CNTNAP4: variants seen among roughly 807,000 people sequenced by gnomAD.
CNTNAP4 encodes the protein contactin-associated protein-like 4.
CNTNAP4 carries 98 observed loss-of-function variants against 148.4 expected under a neutral mutation model. The ratio of observed to expected loss-of-function variants is 0.66; its 90% CI spans 0.56 to 0.78. The LOEUF (loss-of-function observed/expected upper bound fraction) is 0.78, where lower values mean the gene tolerates loss of function less well. Ranked by LOEUF, CNTNAP4 falls within the 30% of genes least tolerant of loss-of-function variation. CNTNAP4 has a pLI of 0.00. For missense variants in CNTNAP4, 1,935 were observed against 1,565.6 expected (o/e 1.24, Z -3.98); for synonymous variants, 730 against 565.1 (o/e 1.29, Z -4.14).
At chr16:76,473,907 C>G (rs1252297738) in intron 10 of CNTNAP4, among the ~76,000 whole-genome samples, 1 of 150,522 alleles carries the variant, frequency 6.6e-6, no homozygotes, top group East Asian at 1.9e-4. Flanking sequence ...CACTTAAAAC[C>G]TTTGTCTCTT....
At chr16:76,413,208 CTGTT>C (rs1263969576) in intron 3 of CNTNAP4, among the ~76,000 whole-genome samples, 21 of 151,316 alleles carry the variant, frequency 1.4e-4, no homozygotes, top group Non-Finnish European at 2.4e-4. Context: ...GTCATTCTTT[CTGTT>C]TGTTTGTACC....
chr16:76,347,003 A>G (rs1964957113), intron 2 of CNTNAP4, among the ~76,000 whole-genome samples: 1 of 152,180 alleles, frequency 6.6e-6, no homozygotes, highest in South Asian at 2.1e-4. Flanking sequence ...ATTATTAATT[A>G]AGAACCTTGC....
chr16:76,444,994 C>CT (rs1341160085), intron 4 of CNTNAP4, among the ~76,000 whole-genome samples: 3 of 152,150 alleles, frequency 2.0e-5, no homozygotes, highest in Non-Finnish European at 4.4e-5. Context: ...CACTCCTACT[C>CT]TGAGTACTAA....
chr16:76,484,376 T>G (rs1250118086), intron 12 of CNTNAP4, among the ~76,000 whole-genome samples: 1 of 150,944 alleles, frequency 6.6e-6, no homozygotes, highest in Non-Finnish European at 1.5e-5. Flanking sequence ...AAGAGGACAT[T>G]CAGAAAATTT....
At chr16:76,357,076 C>T (rs1281096488) in intron 3 of CNTNAP4, among the ~76,000 whole-genome samples, 1 of 151,522 alleles carries the variant, frequency 6.6e-6, no homozygotes, top group Non-Finnish European at 1.5e-5. Context: ...CACACACACA[C>T]ACACACCCCA....
chr16:76,493,181 G>T (rs2082285881), intron 13 of CNTNAP4, among the ~76,000 whole-genome samples: 1 of 152,018 alleles, frequency 6.6e-6, no homozygotes, highest in Admixed American at 6.6e-5. Flanking sequence ...AATATAATGG[G>T]GTAGAACAGG....
chr16:76,336,270 G>T (rs1964016026), intron 2 of CNTNAP4, among the ~76,000 whole-genome samples: 1 of 152,144 alleles, frequency 6.6e-6, no homozygotes. Context: ...TATTCTAACT[G>T]CTTTGCTTAA....
chr16:76,533,678 A>T (rs994898393), intron 17 of CNTNAP4, among the ~76,000 whole-genome samples: 27 of 45,604 alleles, frequency 5.9e-4, no homozygotes, highest in African/African-American at 1.6e-3. Flanking sequence ...TAAAAATCTT[A>T]AAAAAAAAAT....
intron 4 of CNTNAP4, among the ~76,000 whole-genome samples, chr16:76,446,060 T>C (rs1308355632): frequency 6.9e-6 from 1 of 145,510 alleles, no homozygotes; most frequent in Non-Finnish European, 1.5e-5. Context: ...GGTGAATGAA[T>C]TCTCTATAAG....
intron 2 of CNTNAP4, among the ~76,000 whole-genome samples, chr16:76,318,344 T>C (rs1409992566): frequency 5.9e-5 from 9 of 152,186 alleles, no homozygotes. Flanking sequence ...TGTTATTAAT[T>C]AGATCAAATC....
At chr16:76,449,966 T>C (rs536381027) in intron 7 of CNTNAP4, 108 bp downstream of exon 7, 3 of 904,584 alleles carry the variant, frequency 3.3e-6, no homozygotes, top group South Asian at 1.9e-5. Context: ...AGAGGTACTC[T>C]TATTTAAATA....
At chr16:76,343,882 A>G (rs1039676588) in intron 2 of CNTNAP4, among the ~76,000 whole-genome samples, 1 of 152,184 alleles carries the variant, frequency 6.6e-6, no homozygotes, top group African/African-American at 2.4e-5. Flanking sequence ...TCATAATAGC[A>G]AATCTTTTCT....
chr16:76,504,280 C>G (rs919817507), intron 15 of CNTNAP4, among the ~76,000 whole-genome samples: 6 of 151,546 alleles, frequency 4.0e-5, no homozygotes, highest in Non-Finnish European at 5.9e-5. Context: ...ATAGAGAGCC[C>G]AAAAATAGAC....
intron 8 of CNTNAP4, among the ~76,000 whole-genome samples, chr16:76,454,426 A>C (rs1483599953): frequency 6.6e-6 from 1 of 152,200 alleles, no homozygotes; most frequent in Non-Finnish European, 1.5e-5. Flanking sequence ...AAAAATTTCT[A>C]AATGAATGTT....
At chr16:76,330,188 T>G (rs1323680804) in intron 2 of CNTNAP4, among the ~76,000 whole-genome samples, 7 of 152,148 alleles carry the variant, frequency 4.6e-5, no homozygotes. Context: ...TTCCTGGTGG[T>G]TTTTTAAATC....
At chr16:76,349,590 T>C (rs1965205600) in intron 2 of CNTNAP4, among the ~76,000 whole-genome samples, 1 of 152,138 alleles carries the variant, frequency 6.6e-6, no homozygotes, top group Non-Finnish European at 1.5e-5. Flanking sequence ...TATGTCAAGA[T>C]GAAAATGATC....
chr16:76,318,382 C>T (rs184071633), intron 2 of CNTNAP4, among the ~76,000 whole-genome samples: 4 of 152,100 alleles, frequency 2.6e-5, no homozygotes, highest in African/African-American at 9.6e-5. Flanking sequence ...ATATACTCAT[C>T]AGGAGTCTCC....
intron 15 of CNTNAP4, 149 bp from the exon 16 acceptor site, chr16:76,520,991 A>G (rs1411070100): frequency 4.4e-6 from 3 of 676,698 alleles, no homozygotes; most frequent in African/African-American, 3.6e-5. Flanking sequence ...TGTATACTAC[A>G]TAGTTGACAG....
chr16:76,397,351 G>C (rs1159565573), intron 3 of CNTNAP4, among the ~76,000 whole-genome samples: 4 of 151,946 alleles, frequency 2.6e-5, no homozygotes, highest in Non-Finnish European at 1.5e-5. Context: ...ACCAATGTCA[G>C]GAGAATTATG....
Sources: allele counts gnomAD v4.1 joint callset (sites outside exome capture counted in the v4.1 genomes callset), GRCh38; gene constraint gnomAD v4.1.1; transcripts MANE v1.5; gene names NCBI Gene and HGNC (gene_info 2026-07-23, HGNC 2026-07-21).